The following KIAA0825 variants were observed in gnomAD, a reference collection of about 807,000 sequenced individuals.
KIAA0825 encodes KIAA0825.
KIAA0825 carries 119 observed loss-of-function variants against 147.6 expected under a neutral mutation model. The ratio of observed to expected loss-of-function variants is 0.81; its 90% CI spans 0.69 to 0.94. The LOEUF (loss-of-function observed/expected upper bound fraction) is 0.94. Ranked by LOEUF, KIAA0825 falls within the 40% of genes least tolerant of loss-of-function variation. KIAA0825 has a pLI of 0.00. For synonymous variants in KIAA0825, 470 were observed against 518.1 expected (o/e 0.91, Z 1.26); for missense variants, 1,381 against 1,472.7 (o/e 0.94, Z 1.02).
At chr5:94,336,485 C>G (rs1347680430) in intron 20 of KIAA0825, among the ~76,000 whole-genome samples, 2 of 147,284 alleles carry the variant, frequency 1.4e-5, no homozygotes, top group Admixed American at 1.4e-4. Flanking sequence ...TTGTTCAACT[C>G]TCACTTATGA....
intron 20 of KIAA0825, among the ~76,000 whole-genome samples, chr5:94,238,059 C>A (rs1222944858): frequency 6.6e-6 from 1 of 152,110 alleles, no homozygotes; most frequent in Non-Finnish European, 1.5e-5. Context: ...AAAAAAAGAA[C>A]TGTAAATTAA....
At chr5:94,567,193 A>T (rs1778857664) in intron 2 of KIAA0825, among the ~76,000 whole-genome samples, 1 of 152,164 alleles carries the variant, frequency 6.6e-6, no homozygotes, top group African/African-American at 2.4e-5. Flanking sequence ...CTTTGATTTC[A>T]TGAGGATATA....
intron 5 of KIAA0825, among the ~76,000 whole-genome samples, chr5:94,501,019 G>GT (rs1374890303): frequency 2.6e-5 from 4 of 151,972 alleles, no homozygotes; most frequent in African/African-American, 9.7e-5. Flanking sequence ...GCCTCCGAAA[G>GT]TGCTGGGATT....
chr5:94,155,336 G>A (rs2149902584), intron 20 of KIAA0825, among the ~76,000 whole-genome samples: 1 of 149,810 alleles, frequency 6.7e-6, no homozygotes, highest in South Asian at 2.1e-4. Flanking sequence ...TCCTGCCTCA[G>A]CCTCCCAAGT....
intron 2 of KIAA0825, chr5:94,568,461 A>G (rs1265488910): frequency 6.5e-6 from 1 of 152,974 alleles, no homozygotes; most frequent in Non-Finnish European, 1.5e-5. Context: ...ACCAACATCA[A>G]CGAAAACAAC....
intron 15 of KIAA0825, among the ~76,000 whole-genome samples, chr5:94,411,479 C>T (rs139098499): frequency 1.3e-5 from 2 of 152,236 alleles, no homozygotes; most frequent in East Asian, 1.9e-4. Context: ...GGGAAAATTA[C>T]ATAGCCATAT....
chr5:94,513,717 C>T (rs1176297848), intron 5 of KIAA0825, among the ~76,000 whole-genome samples: 1 of 151,870 alleles, frequency 6.6e-6, no homozygotes, highest in African/African-American at 2.4e-5. Context: ...TATACTACCA[C>T]ACATCTACCC....
In KIAA0825 at chr5:94,330,567, T is replaced by A. The variant is rs192364595; in HGVS notation, c.3710+53801A>T. The stretch of plus-strand genomic sequence containing the variant: ...AATTTGTGAGATGCCATTAAAGCAG[T>A]GCAGGGAAATTTATAACATTAAATG... On this transcript the variant is annotated intron_variant, in intron 20 of 20. Transcript: ENST00000682413. Among the ~76,000 whole-genome samples the A allele has an allele frequency of 3.3e-5, 5 of 152,060 alleles. No individual in the cohort carries two copies. In the East Asian group the frequency reaches 9.7e-4, roughly 29 times the overall value.
intron 15 of KIAA0825, among the ~76,000 whole-genome samples, chr5:94,405,405 C>A (rs1318708651): frequency 6.6e-6 from 1 of 152,040 alleles, no homozygotes; most frequent in Non-Finnish European, 1.5e-5. Context: ...GAAATTACAT[C>A]TGAATATGTT....
chr5:94,226,090 G>C (rs1026100779), intron 20 of KIAA0825, among the ~76,000 whole-genome samples: 3 of 152,152 alleles, frequency 2.0e-5, no homozygotes, highest in Admixed American at 6.5e-5. Flanking sequence ...TACAGAATGG[G>C]AGAAAAGTTT....
At chr5:94,321,147 T>C (rs946464104) in intron 20 of KIAA0825, among the ~76,000 whole-genome samples, 9 of 152,022 alleles carry the variant, frequency 5.9e-5, no homozygotes, top group African/African-American at 1.9e-4. Flanking sequence ...GGCCTACTAC[T>C]ATGATCTAAA....
chr5:94,410,572 G>A (rs541261177), intron 15 of KIAA0825, among the ~76,000 whole-genome samples: 1 of 152,180 alleles, frequency 6.6e-6, no homozygotes, highest in East Asian at 1.9e-4. Flanking sequence ...CAGTGACAAA[G>A]AGAAAAGTCC....
chr5:94,547,801 G>C (rs992106804), intron 2 of KIAA0825, among the ~76,000 whole-genome samples: 1 of 149,890 alleles, frequency 6.7e-6, no homozygotes, highest in Non-Finnish European at 1.5e-5. Context: ...CGGAGCTCCA[G>C]TATGTCTGGC....
intron 2 of KIAA0825, among the ~76,000 whole-genome samples, chr5:94,542,287 T>C (rs1210306341): frequency 6.6e-6 from 1 of 152,230 alleles, no homozygotes; most frequent in Non-Finnish European, 1.5e-5. Context: ...AAATAATCTT[T>C]TTAACATTTG....
At chr5:94,538,762 A>G (rs1344792749) in intron 2 of KIAA0825, among the ~76,000 whole-genome samples, 2 of 152,230 alleles carry the variant, frequency 1.3e-5, no homozygotes, top group East Asian at 3.8e-4. Flanking sequence ...AAAAGGTCCT[A>G]TAACGCCAGA....
intron 1 of KIAA0825, among the ~76,000 whole-genome samples, chr5:94,603,702 A>T (rs191487776): frequency 6.6e-6 from 1 of 152,350 alleles, no homozygotes; most frequent in East Asian, 1.9e-4. Flanking sequence ...GATGACACAC[A>T]TAGGGTCAAA....
chr5:94,185,948 T>G (rs1770081391), intron 20 of KIAA0825, among the ~76,000 whole-genome samples: 2 of 152,216 alleles, frequency 1.3e-5, no homozygotes, highest in East Asian at 1.9e-4. Context: ...AGCAAAGGTC[T>G]GCACAGCACT....
rs574704910 is a variant in KIAA0825 at position 94,484,910 on chromosome 5, T to C, written c.991A>G (p.Lys331Glu). ...HALVTTECPQKGRNFSLPLDK... is the reference protein window; with the variant it reads ...HALVTTECPQEGRNFSLPLDK... ...AAAGGGAGAGAGAAGTTTCTTCCTT[T>C]CTGTGGGCATTCAGTAGTAACTGTG... Residue 331 changes from lysine (K) to glutamate (E), a missense_variant, in exon 6 of 21, where the codon AAA (lysine) becomes GAA (glutamate). Coordinates refer to ENST00000682413, the MANE Select transcript of KIAA0825 (RefSeq NM_001145678.3). 161 of 1,516,748 alleles carry C rather than the reference T, an allele frequency of 1.1e-4. 3 individuals are homozygous for C. In the South Asian group the frequency reaches 1.9e-3, roughly 18 times the overall value. The allele number at this position is 1,516,748 out of a possible 1,614,324, so 94.0% of individuals were successfully genotyped here.
intron 20 of KIAA0825, among the ~76,000 whole-genome samples, chr5:94,255,795 C>T (rs889766454): frequency 1.5e-4 from 20 of 134,142 alleles, no homozygotes; most frequent in Non-Finnish European, 2.6e-4. Context: ...CACATGGAGC[C>T]TTGACCTCCC....
Sources: allele counts gnomAD v4.1 joint callset (sites outside exome capture counted in the v4.1 genomes callset), GRCh38; gene constraint gnomAD v4.1.1; transcripts MANE v1.5; gene names NCBI Gene and HGNC (gene_info 2026-07-23, HGNC 2026-07-21).